Variants in MACROD2 observed in about 807,000 individuals in gnomAD.
MACROD2 encodes the protein mono-ADP ribosylhydrolase 2.
Under a neutral mutation model 70.4 loss-of-function variants are expected in MACROD2, and 36 were observed. The observed-to-expected ratio is 0.51, with a 90% CI of 0.39 to 0.68. MACROD2 has a LOEUF of 0.68. MACROD2 is among the 30% of genes least tolerant of loss of function. MACROD2 has a pLI of 0.00. For synonymous variants in MACROD2, 172 were observed against 178.8 expected (o/e 0.96, Z 0.30); for missense variants, 496 against 538.4 (o/e 0.92, Z 0.78).
chr20:15,959,624 G>T (rs1004265627), intron 12 of MACROD2, among the ~76,000 whole-genome samples: 1 of 152,122 alleles, frequency 6.6e-6, no homozygotes, highest in African/African-American at 2.4e-5. Context: ...CCGCCTCCTG[G>T]GTTCAAGCGA....
intron 5 of MACROD2, among the ~76,000 whole-genome samples, chr20:14,726,957 A>G (rs1190064794): frequency 6.6e-6 from 1 of 152,170 alleles, no homozygotes; most frequent in Non-Finnish European, 1.5e-5. Context: ...TCCCATCAGC[A>G]GTCTTATTTA....
At chr20:14,932,303 A>C (rs2074303342) in intron 5 of MACROD2, among the ~76,000 whole-genome samples, 1 of 152,122 alleles carries the variant, frequency 6.6e-6, no homozygotes, top group Non-Finnish European at 1.5e-5. Flanking sequence ...AACAGCCGTG[A>C]CACTCACTTT....
chr20:15,206,087 C>G (rs2076699458), intron 5 of MACROD2, among the ~76,000 whole-genome samples: 1 of 152,032 alleles, frequency 6.6e-6, no homozygotes, highest in East Asian at 1.9e-4. Flanking sequence ...TGTGTGATGA[C>G]AAGCAAAAGT....
At chr20:14,797,249 A>G (rs1000616097) in intron 5 of MACROD2, among the ~76,000 whole-genome samples, 1 of 152,074 alleles carries the variant, frequency 6.6e-6, no homozygotes, top group African/African-American at 2.4e-5. Context: ...CCTAGACCGC[A>G]GTCAGAATGC....
rs145910317 is a variant in MACROD2, at chr20:16,028,710, C to T, written c.1154-12491C>T. Among the ~76,000 whole-genome samples the T allele has an allele frequency of 4.4e-4, 67 of 152,206 alleles. No individual in the cohort carries two copies. In the East Asian group the frequency reaches 0.012, roughly 28 times the overall value. On this transcript the variant is annotated intron_variant, in intron 15 of 17. Transcript: ENST00000684519. ...ACATTTTCCACAAGTATGTTCCTGT[C>T]AGTGTAATCATTCACTATTTGACTT...
At chr20:14,319,189 G>C (rs2082637921) in intron 3 of MACROD2, among the ~76,000 whole-genome samples, 1 of 151,954 alleles carries the variant, frequency 6.6e-6, no homozygotes, top group African/African-American at 2.4e-5. Context: ...CTTCCTTAGA[G>C]CCTGAACTAC....
rs967158445 is a variant in MACROD2 at position 14,999,826 on chromosome 20, A to G, written c.419-230114A>G. 1.3e-5 allele frequency among the ~76,000 whole-genome samples: 2 copies of G among 152,232 alleles called. 1 individual carries two copies. Among genetic ancestry groups the G allele is most frequent in the African/African-American group, 4.8e-5 (2 of 41,466 alleles). ...TGGTAACCTCAGATTAAATGTTAAA[A>G]CACAAAATAGCAATGCAAAGGCATG... On this transcript the variant is annotated intron_variant, in intron 5 of 17. Coordinates refer to ENST00000684519, the MANE Select transcript of MACROD2 (RefSeq NM_001351661.2).
intron 5 of MACROD2, among the ~76,000 whole-genome samples, chr20:14,968,965 C>G (rs2074664247): frequency 2.0e-5 from 3 of 152,054 alleles, no homozygotes; most frequent in Non-Finnish European, 2.9e-5. Context: ...ATTACTTTAC[C>G]TCTTTTCAAA....
At chr20:15,778,916 T>C (rs1054708309) in intron 8 of MACROD2, among the ~76,000 whole-genome samples, 3 of 152,076 alleles carry the variant, frequency 2.0e-5, no homozygotes, top group African/African-American at 7.2e-5. Context: ...TTATGAAATA[T>C]TATGGAAACT....
intron 5 of MACROD2, among the ~76,000 whole-genome samples, chr20:14,753,837 A>G (rs1600628204): frequency 6.6e-6 from 1 of 152,240 alleles, no homozygotes; most frequent in East Asian, 1.9e-4. Context: ...GTGTTGAGCA[A>G]TTTGAGGACT....
chr20:14,091,424 G>T (rs1333153644), intron 3 of MACROD2, among the ~76,000 whole-genome samples: 2 of 152,002 alleles, frequency 1.3e-5, no homozygotes, highest in Non-Finnish European at 2.9e-5. Flanking sequence ...CTCATAGCAG[G>T]GTGACTGTAA....
intron 7 of MACROD2, among the ~76,000 whole-genome samples, chr20:15,487,585 G>T (rs1314982256): frequency 6.6e-6 from 1 of 152,050 alleles, no homozygotes; most frequent in African/African-American, 2.4e-5. Flanking sequence ...TAGAAGTCTT[G>T]CCCACTGGAC....
chr20:14,963,206 C>T (rs1377127563), intron 5 of MACROD2, among the ~76,000 whole-genome samples: 1 of 152,056 alleles, frequency 6.6e-6, no homozygotes, highest in Non-Finnish European at 1.5e-5. Flanking sequence ...CGTAGTAGTA[C>T]AGCAGCATCC....
chr20:14,897,891 C>T (rs6042975), intron 5 of MACROD2, among the ~76,000 whole-genome samples: 254 of 152,222 alleles, frequency 1.7e-3, no homozygotes, highest in African/African-American at 5.7e-3. Context: ...AAGTGGCCAA[C>T]ACCTCTCTTA....
intron 3 of MACROD2, among the ~76,000 whole-genome samples, chr20:14,401,242 A>G (rs760432557): frequency 1.3e-5 from 2 of 152,148 alleles, no homozygotes; most frequent in Non-Finnish European, 2.9e-5. Context: ...GCTATTGTGA[A>G]TAGTGCTGTG....
chr20:14,372,165 GCTGTA>G (rs2083331224), intron 3 of MACROD2, among the ~76,000 whole-genome samples: 1 of 152,094 alleles, frequency 6.6e-6, no homozygotes, highest in South Asian at 2.1e-4. Flanking sequence ...TTGTATGAAC[GCTGTA>G]CTCGGAAGTA....
In MACROD2 at chr20:14,550,633, A is replaced by G. The variant is rs78437554; in HGVS notation, c.301+57125A>G. Among the ~76,000 whole-genome samples, 393 of 152,324 alleles carry G rather than the reference A, an allele frequency of 2.6e-3. 1 individual carries two copies. The highest frequency in any genetic ancestry group is 9.2e-3 in the African/African-American group (382 of 41,584). On this transcript the variant is annotated intron_variant, in intron 4 of 17. Coordinates refer to ENST00000684519, the MANE Select transcript of MACROD2 (RefSeq NM_001351661.2). ...CCCCTCCTACTAAATAGTTTTAGCTAAAAGGAGTACCAAGAAAAGCCCTGT... is the reference window on the plus strand; with the variant it reads ...CCCCTCCTACTAAATAGTTTTAGCTGAAAGGAGTACCAAGAAAAGCCCTGT...
intron 4 of MACROD2, among the ~76,000 whole-genome samples, chr20:14,561,873 A>T (rs1268494801): frequency 6.6e-6 from 1 of 151,950 alleles, no homozygotes; most frequent in African/African-American, 2.4e-5. Flanking sequence ...GCAGTCAGTT[A>T]AAAAAGCTGA....
chr20:14,900,074 T>C (rs2073877468), intron 5 of MACROD2, among the ~76,000 whole-genome samples: 1 of 152,124 alleles, frequency 6.6e-6, no homozygotes, highest in Admixed American at 6.5e-5. Context: ...GATGAGCATA[T>C]GGTTTATATC....
Sources: allele counts gnomAD v4.1 joint callset (sites outside exome capture counted in the v4.1 genomes callset), GRCh38; gene constraint gnomAD v4.1.1; transcripts MANE v1.5; gene names NCBI Gene and HGNC (gene_info 2026-07-23, HGNC 2026-07-21).